The following GRK3 variants were observed in gnomAD, a reference collection of about 807,000 sequenced individuals.
The protein encoded by GRK3 is adrenergic, beta, receptor kinase 2.
A neutral mutation model predicts 95.7 loss-of-function variants in GRK3; 54 were observed. The observed-to-expected ratio is 0.56, with a 90% CI of 0.45 to 0.71. The LOEUF is 0.71. Ranked by LOEUF, GRK3 falls within the 30% of genes least tolerant of loss-of-function variation. The pLI is 0.00. For missense variants in GRK3, 649 were observed against 851.2 expected (o/e 0.76, Z 2.96); for synonymous variants, 281 against 290.8 (o/e 0.97, Z 0.34).
chr22:25,690,588 C>A (rs2085157591), intron 12 of GRK3, among the ~76,000 whole-genome samples: 1 of 152,110 alleles, frequency 6.6e-6, no homozygotes, highest in African/African-American at 2.4e-5. Context: ...CAGTCAGTTA[C>A]TTAGTCTGTT....
chr22:25,713,513 G>A (rs2085360406), intron 17 of GRK3, among the ~76,000 whole-genome samples: 1 of 152,066 alleles, frequency 6.6e-6, no homozygotes, highest in African/African-American at 2.4e-5. Flanking sequence ...TAGCCTCCTT[G>A]GTCTTTCTTG....
intron 12 of GRK3, 73 bp downstream of exon 12, chr22:25,690,356 C>T (rs3730314): frequency 0.021 from 23,132 of 1,080,544 alleles, 371 homozygotes; most frequent in African/African-American, 0.05. Context: ...ATTTGTCACC[C>T]CATTTCTCTT....
chr22:25,687,452 C>T, intron 10 of GRK3, 85 bp from the exon 11 acceptor site: 2 of 1,446,786 alleles, frequency 1.4e-6, no homozygotes, highest in Admixed American at 4.0e-5. Context: ...CCTTTTTCTG[C>T]TGAGTCCTGA....
At chr22:25,636,979 T>C (rs146391485) in intron 2 of GRK3, among the ~76,000 whole-genome samples, 2 of 152,324 alleles carry the variant, frequency 1.3e-5, no homozygotes, top group African/African-American at 4.8e-5. Context: ...GAGACTAGCA[T>C]TTGAATCAGT....
chr22:25,701,917 G>GT (rs1366456875), intron 13 of GRK3, among the ~76,000 whole-genome samples: 5 of 152,204 alleles, frequency 3.3e-5, no homozygotes, highest in Admixed American at 3.3e-4. Context: ...AATGATACAA[G>GT]TATGTTTTTA....
chr22:25,717,927 C>T (rs923219836), intron 18 of GRK3, among the ~76,000 whole-genome samples: 2 of 152,172 alleles, frequency 1.3e-5, no homozygotes, highest in African/African-American at 2.4e-5. Context: ...GTCTATTCTC[C>T]GGTTCTCATT....
chr22:25,578,546 G>C (rs1473534375), intron 1 of GRK3, among the ~76,000 whole-genome samples: 3 of 152,152 alleles, frequency 2.0e-5, no homozygotes, highest in Non-Finnish European at 4.4e-5. Flanking sequence ...CAGCTAAGGT[G>C]CTGAGTTTAA....
chr22:25,665,110 A>G (rs1169601359), intron 5 of GRK3, among the ~76,000 whole-genome samples: 1 of 152,168 alleles, frequency 6.6e-6, no homozygotes, highest in Non-Finnish European at 1.5e-5. Flanking sequence ...TCATCTGTAA[A>G]GTGGAAATGA....
rs558570526 is a variant in GRK3 at position 25,704,495 on chromosome 22, C to T, written c.1328+286C>T. On this transcript the variant is annotated intron_variant, in intron 15 of 20. Transcript: ENST00000324198. ...CGTGATCTCAGCTCACTGCAACCTC[C>T]ACCTCCTAGGGTTCAAGCAATTCTC... Among the ~76,000 whole-genome samples the T allele has an allele frequency of 3.9e-5, 6 of 152,264 alleles. No homozygotes were observed. The East Asian group carries it at 1.2e-3, about 29-fold the overall frequency.
chr22:25,598,238 A>G (rs1222742285), intron 1 of GRK3, among the ~76,000 whole-genome samples: 1 of 152,224 alleles, frequency 6.6e-6, no homozygotes, highest in Non-Finnish European at 1.5e-5. Flanking sequence ...TGTAAACCCT[A>G]GAGCAACCCC....
Position 25,724,365 on chromosome 22 carries a change from A to G in GRK3, c.*1915A>G, listed in dbSNP as rs751685008. ...CCAGGGTCTGGGCTTAGCGTCTAAT[A>G]TCTCGTACCTAGGGCGTGAGCTGCA... On this transcript the variant is annotated 3_prime_UTR_variant, in exon 21 of 21. Transcript: ENST00000324198. The G allele has an allele frequency of 2.6e-5, 4 of 152,234 alleles. No individual in the cohort carries two copies. The highest frequency in any genetic ancestry group is 4.4e-5 in the Non-Finnish European group (3 of 68,060). The allele number at this position is 152,234 out of a possible 1,614,324, so 9.4% of individuals were successfully genotyped here.
chr22:25,660,365 G>A (rs948225601), intron 3 of GRK3, among the ~76,000 whole-genome samples: 1 of 152,156 alleles, frequency 6.6e-6, no homozygotes, highest in Non-Finnish European at 1.5e-5. Flanking sequence ...TAGAGTATCA[G>A]CCTTCCCCAG....
intron 13 of GRK3, among the ~76,000 whole-genome samples, chr22:25,700,824 A>T (rs1290152673): frequency 6.6e-6 from 1 of 152,160 alleles, no homozygotes; most frequent in Non-Finnish European, 1.5e-5. Context: ...TGACCTTGTG[A>T]TCCACCTGCC....
At chr22:25,670,825 G>A (rs544866024) in intron 6 of GRK3, among the ~76,000 whole-genome samples, 7 of 150,554 alleles carry the variant, frequency 4.6e-5, no homozygotes, top group African/African-American at 1.5e-4. Flanking sequence ...AGGCCGAGGC[G>A]GGCGGATCGA....
At position 25,706,780 on chromosome 22, in the gene GRK3, C is replaced by T. The variant is rs371330065; in HGVS notation, c.1328+2571C>T. ...TCAAGTGATCTATGTGCCTTGGCCT[C>T]CCAAAGTGCTGGGATTACAGGCGTG... On this transcript the variant is annotated intron_variant, in intron 15 of 20. Transcript: ENST00000324198. Among the ~76,000 whole-genome samples, 4 of 152,234 alleles carry T rather than the reference C, an allele frequency of 2.6e-5. No individual in the cohort carries two copies. In the East Asian group the frequency reaches 7.7e-4, roughly 29 times the overall value.
intron 1 of GRK3, among the ~76,000 whole-genome samples, chr22:25,584,495 A>C (rs532726050): frequency 6.6e-6 from 1 of 152,242 alleles, no homozygotes; most frequent in Non-Finnish European, 1.5e-5. Flanking sequence ...CAGTTCAGAT[A>C]TGCCAAAGGG....
At chr22:25,594,321 A>G (rs1052690843) in intron 1 of GRK3, among the ~76,000 whole-genome samples, 2 of 152,150 alleles carry the variant, frequency 1.3e-5, no homozygotes, top group African/African-American at 4.8e-5. Context: ...AAAAAAGTCA[A>G]GGAGGAGGGA....
chr22:25,623,032 C>T (rs1332476190), intron 2 of GRK3, among the ~76,000 whole-genome samples: 2 of 152,162 alleles, frequency 1.3e-5, no homozygotes, highest in African/African-American at 2.4e-5. Context: ...ACCTTTGCCT[C>T]CCGGGGTCAA....
chr22:25,670,186 G>A (rs1569186940), intron 6 of GRK3, among the ~76,000 whole-genome samples: 2 of 152,062 alleles, frequency 1.3e-5, no homozygotes, highest in African/African-American at 4.8e-5. Context: ...ATATGTTAAA[G>A]ATCCTTATTT....
Sources: allele counts gnomAD v4.1 joint callset (sites outside exome capture counted in the v4.1 genomes callset), GRCh38; gene constraint gnomAD v4.1.1; transcripts MANE v1.5; gene names NCBI Gene and HGNC (gene_info 2026-07-23, HGNC 2026-07-21).